GLIS3: variants seen among roughly 807,000 people sequenced by gnomAD.
GLIS3 encodes zinc finger protein GLIS3.
GLIS3 carries 53 observed loss-of-function variants against 78.6 expected under a neutral mutation model. The observed-to-expected ratio is 0.67, with a 90% confidence interval of 0.54 to 0.85. GLIS3 has a LOEUF of 0.85. GLIS3 is among the 40% of genes least tolerant of loss of function. GLIS3 has a pLI of 0.00. For missense variants in GLIS3, 1,703 were observed against 1,231.1 expected, an observed-to-expected ratio of 1.38 and a Z score of -5.74; for synonymous variants, 684 against 509.9, an observed-to-expected ratio of 1.34 and a Z score of -4.60.
the GLIS3 span, among the ~76,000 whole-genome samples, chr9:4,474,908 C>T: frequency 2.6e-5 from 4 of 151,654 alleles, no homozygotes; most frequent in South Asian, 8.3e-4. Context: ...CCCTATGTCG[C>T]CCAGGCTTGC....
intron 3 of GLIS3, among the ~76,000 whole-genome samples, chr9:4,121,470 G>A (rs806049): frequency 0.6 from 91,717 of 152,014 alleles, 28,095 homozygotes; most frequent in East Asian, 0.86. Context: ...AATCAATATA[G>A]TGACAACAGA....
At chr9:4,250,628 C>G (rs186541197) in intron 2 of GLIS3, among the ~76,000 whole-genome samples, 1 of 152,184 alleles carries the variant, frequency 6.6e-6, no homozygotes, top group Admixed American at 6.5e-5. Flanking sequence ...CTGCTCTGAT[C>G]TTAGTTATTT....
At chr9:4,092,574 A>G (rs1170802770) in intron 4 of GLIS3, among the ~76,000 whole-genome samples, 1 of 152,206 alleles carries the variant, frequency 6.6e-6, no homozygotes, top group Non-Finnish European at 1.5e-5. Context: ...AAAGTAAGAC[A>G]TGAATACACA....
chr9:4,246,706 C>A (rs1823836480), intron 2 of GLIS3, among the ~76,000 whole-genome samples: 1 of 152,186 alleles, frequency 6.6e-6, no homozygotes, highest in Non-Finnish European at 1.5e-5. Flanking sequence ...CTGGTCTCAT[C>A]CTTTACCTCC....
chr9:4,154,701 C>G (rs1421773730), intron 2 of GLIS3, among the ~76,000 whole-genome samples: 1 of 152,068 alleles, frequency 6.6e-6, no homozygotes, highest in Non-Finnish European at 1.5e-5. Context: ...CAATATTCTG[C>G]CAGTAGATTG....
chr9:4,328,810 G>A (rs750173471), intron 2 of GLIS3, among the ~76,000 whole-genome samples: 3 of 152,274 alleles, frequency 2.0e-5, no homozygotes, highest in Middle Eastern at 3.4e-3. Flanking sequence ...TATGGCACAT[G>A]CAGCATTTAG....
chr9:4,357,635 T>C, the GLIS3 span, among the ~76,000 whole-genome samples: 1 of 151,960 alleles, frequency 6.6e-6, no homozygotes, highest in Non-Finnish European at 1.5e-5. Context: ...AGAAAACTCC[T>C]CAAATGACTC....
At position 4,118,057 on chromosome 9, in the gene GLIS3, C is replaced by T; in HGVS notation, c.1421G>A (p.Gly474Glu). ...AHAHLHHPEL[G>E]PHAQQLALPQ... The stretch of plus-strand genomic sequence containing the variant: ...CAAGGCCAGCTGCTGGGCGTGGGGC[C>T]CGAGCTCCGGGTGGTGAAGGTGCGC... Residue 474 changes from glycine to glutamate, a missense_variant, in exon 4 of 11, where the codon GGG (glycine) becomes GAG (glutamate). By Grantham distance (98) the Gly-to-Glu change is moderately conservative. Coordinates refer to ENST00000381971, the MANE Select transcript of GLIS3 (RefSeq NM_001042413.2). This position sits in a 1 kb window ranked among gnomAD's most constrained non-coding sequence, Gnocchi z 4.7. 2 of 1,584,570 alleles carry T rather than the reference C, an allele frequency of 1.3e-6. No individual in the cohort carries two copies. The highest frequency in any genetic ancestry group is 1.7e-6 in the Non-Finnish European group (2 of 1,165,362).
chr9:4,483,120 A>G, the GLIS3 span, among the ~76,000 whole-genome samples: 4 of 152,204 alleles, frequency 2.6e-5, no homozygotes, highest in African/African-American at 7.2e-5. Flanking sequence ...AGAGGACAAT[A>G]AAGTAAAAAA....
chr9:4,354,421 G>C, the GLIS3 span, among the ~76,000 whole-genome samples: 111 of 152,162 alleles, frequency 7.3e-4, no homozygotes, highest in Non-Finnish European at 1.4e-3. Context: ...TGAGTGAGTG[G>C]GTGATTATTT....
intron 8 of GLIS3, among the ~76,000 whole-genome samples, chr9:3,877,280 T>A: frequency 6.6e-6 from 1 of 152,308 alleles, no homozygotes; most frequent in East Asian, 1.9e-4. Flanking sequence ...TAGGAATATA[T>A]CAGACAAGTG....
intron 2 of GLIS3, among the ~76,000 whole-genome samples, chr9:4,266,896 G>C (rs1322439861): frequency 6.6e-6 from 1 of 152,074 alleles, no homozygotes; most frequent in African/African-American, 2.4e-5. Context: ...AACCTAATTT[G>C]AAATCCATTT....
At chr9:4,388,773 G>T in the GLIS3 span, among the ~76,000 whole-genome samples, 1 of 152,162 alleles carries the variant, frequency 6.6e-6, no homozygotes, top group South Asian at 2.1e-4. Context: ...TGTAATTGAA[G>T]TCCCAGAAGA....
At chr9:4,256,135 A>C (rs1270523420) in intron 2 of GLIS3, among the ~76,000 whole-genome samples, 1 of 152,194 alleles carries the variant, frequency 6.6e-6, no homozygotes, top group Non-Finnish European at 1.5e-5. Context: ...TACAGAAAAG[A>C]CACTGGAACA....
chr9:4,182,920 C>G (rs899932806), intron 2 of GLIS3, among the ~76,000 whole-genome samples: 1 of 152,192 alleles, frequency 6.6e-6, no homozygotes, highest in Non-Finnish European at 1.5e-5. Flanking sequence ...AATTGAGAAG[C>G]AGAAATACAT....
chr9:4,472,696 T>C, the GLIS3 span, among the ~76,000 whole-genome samples: 3 of 152,112 alleles, frequency 2.0e-5, no homozygotes, highest in African/African-American at 4.8e-5. Context: ...ACATGGCACA[T>C]GTACACCTAT....
At chr9:4,411,203 C>G in the GLIS3 span, among the ~76,000 whole-genome samples, 1 of 152,174 alleles carries the variant, frequency 6.6e-6, no homozygotes, top group African/African-American at 2.4e-5. Flanking sequence ...AATTCACTCA[C>G]ACTTTTTCTC....
chr9:4,247,199 C>T (rs1823883931), intron 2 of GLIS3, among the ~76,000 whole-genome samples: 7 of 152,202 alleles, frequency 4.6e-5, no homozygotes, highest in Admixed American at 4.6e-4. Context: ...TTCACAACTA[C>T]TTGAATTCTC....
intron 2 of GLIS3, among the ~76,000 whole-genome samples, chr9:4,342,145 T>C (rs144357692): frequency 6.6e-6 from 1 of 152,362 alleles, no homozygotes; most frequent in Non-Finnish European, 1.5e-5. Flanking sequence ...TTTGGCACTT[T>C]TGTCATGAAA....
Sources: allele counts gnomAD v4.1 joint callset (sites outside exome capture counted in the v4.1 genomes callset), GRCh38; gene constraint gnomAD v4.1.1; non-coding constraint Gnocchi (gnomAD v3.1); transcripts MANE v1.5; gene names NCBI Gene and HGNC (gene_info 2026-07-23, HGNC 2026-07-21).